PITPNC1: variants seen among roughly 807,000 people sequenced by gnomAD.
PITPNC1 encodes the protein phosphatidylinositol transfer protein cytoplasmic 1.
In PITPNC1, 18 loss-of-function variants were observed where a neutral mutation model predicts 44.7. The ratio of observed to expected loss-of-function variants is 0.40; its 90% CI spans 0.28 to 0.60. The LOEUF (loss-of-function observed/expected upper bound fraction) is 0.60, where lower values mean the gene tolerates loss of function less well. Among genes scored for constraint, PITPNC1 ranks in the 20% least tolerant of loss-of-function variants. PITPNC1 has a pLI of 0.39. For missense variants in PITPNC1, 290 were observed against 418.4 expected (o/e 0.69, Z 2.68); for synonymous variants, 141 against 149.6 (o/e 0.94, Z 0.42).
chr17:67,594,026 C>T (rs529354919), intron 5 of PITPNC1, among the ~76,000 whole-genome samples: 62 of 152,128 alleles, frequency 4.1e-4, no homozygotes, highest in Non-Finnish European at 4.4e-4. Flanking sequence ...AATCTTGGGT[C>T]GTGGAGCATT....
At chr17:67,672,358 G>A (rs1272213388) in intron 7 of PITPNC1, among the ~76,000 whole-genome samples, 1 of 151,818 alleles carries the variant, frequency 6.6e-6, no homozygotes, top group Non-Finnish European at 1.5e-5. Flanking sequence ...CACTTTGAGA[G>A]GCCGAGGCAG....
At chr17:67,459,203 C>T (rs1296682611) in intron 1 of PITPNC1, among the ~76,000 whole-genome samples, 5 of 150,214 alleles carry the variant, frequency 3.3e-5, no homozygotes, top group East Asian at 1.9e-4. Context: ...CTGCATCCTC[C>T]GCCTGCCAGG....
intron 1 of PITPNC1, among the ~76,000 whole-genome samples, chr17:67,497,266 C>T (rs897101381): frequency 2.5e-4 from 37 of 150,894 alleles, no homozygotes; most frequent in African/African-American, 8.3e-4. Context: ...GTCGCCCAGG[C>T]TGGAGTGCAA....
chr17:67,419,926 AAGAG>A (rs984609844), intron 1 of PITPNC1, among the ~76,000 whole-genome samples: 8 of 151,880 alleles, frequency 5.3e-5, no homozygotes, highest in East Asian at 3.9e-4. Context: ...CAAAAAAAAA[AAGAG>A]AGAGAGAGAG....
intron 5 of PITPNC1, among the ~76,000 whole-genome samples, chr17:67,618,188 A>G (rs2041784542): frequency 6.6e-6 from 1 of 151,846 alleles, no homozygotes; most frequent in Admixed American, 6.6e-5. Flanking sequence ...GCATGGTGAA[A>G]CCCTATCTCT....
chr17:67,526,540 C>A (rs1322786423), intron 1 of PITPNC1, among the ~76,000 whole-genome samples: 1 of 151,774 alleles, frequency 6.6e-6, no homozygotes, highest in African/African-American at 2.4e-5. Flanking sequence ...ATCAGCCTGG[C>A]CAACCTGGTG....
rs764564176 is a variant in PITPNC1 at position 67,378,115 on chromosome 17, C to T, written c.-40C>T. 6.8e-7 allele frequency: 1 copy of T among 1,476,550 alleles called. No individual in the cohort carries two copies. Among genetic ancestry groups the T allele is most frequent in the Non-Finnish European group, 9.1e-7 (1 of 1,098,288 alleles). 91.5% of individuals were successfully genotyped at this position (1,476,550 alleles called of 1,614,324 possible). A position where few individuals can be genotyped will look rare whatever the true frequency, so the allele number is the denominator to read the frequency against. On this transcript the variant is annotated 5_prime_UTR_variant, in exon 1 of 9. Transcript: ENST00000581322. ...GCAGCCTTGCTGGTCTTGGGGGCGCCCCCCGCTTCCCGCCCCGGGGGTCCG... is the reference window on the plus strand; with the variant it reads ...GCAGCCTTGCTGGTCTTGGGGGCGCTCCCCGCTTCCCGCCCCGGGGGTCCG...
intron 1 of PITPNC1, among the ~76,000 whole-genome samples, chr17:67,477,120 G>A (rs2039640990): frequency 6.6e-6 from 1 of 152,050 alleles, no homozygotes; most frequent in African/African-American, 2.4e-5. Flanking sequence ...CTGTCACCAG[G>A]GCTGGAGTGC....
chr17:67,568,052 A>T (rs1426243443), intron 4 of PITPNC1, among the ~76,000 whole-genome samples: 1 of 152,242 alleles, frequency 6.6e-6, no homozygotes, highest in Non-Finnish European at 1.5e-5. Flanking sequence ...AAACTCGCAC[A>T]AGAATAGCTG....
intron 1 of PITPNC1, among the ~76,000 whole-genome samples, chr17:67,479,485 G>A (rs746365597): frequency 3.3e-5 from 5 of 152,310 alleles, no homozygotes; most frequent in South Asian, 2.1e-4. Context: ...CCATTAATAT[G>A]TCTAAATCTC....
intron 1 of PITPNC1, among the ~76,000 whole-genome samples, chr17:67,436,586 G>C (rs2038939734): frequency 6.6e-6 from 1 of 152,142 alleles, no homozygotes; most frequent in Non-Finnish European, 1.5e-5. Flanking sequence ...CTGGGAGTTT[G>C]GGATATGTCC....
chr17:67,409,767 A>C (rs892051938), intron 1 of PITPNC1, among the ~76,000 whole-genome samples: 1 of 151,782 alleles, frequency 6.6e-6, no homozygotes, highest in African/African-American at 2.4e-5. Flanking sequence ...CAAACTCCTG[A>C]CCTCAAATGA....
chr17:67,413,790 C>A (rs2038545698), intron 1 of PITPNC1, among the ~76,000 whole-genome samples: 1 of 152,136 alleles, frequency 6.6e-6, no homozygotes, highest in South Asian at 2.1e-4. Context: ...GATGCTTTTC[C>A]TAGGGCAGTT....
intron 1 of PITPNC1, among the ~76,000 whole-genome samples, chr17:67,446,489 T>C (rs2143936735): frequency 6.6e-6 from 1 of 150,400 alleles, no homozygotes; most frequent in South Asian, 2.1e-4. Context: ...ATTAGGAGTA[T>C]GGTACAAAAA....
chr17:67,608,071 A>G (rs895723952), intron 5 of PITPNC1, among the ~76,000 whole-genome samples: 3 of 152,072 alleles, frequency 2.0e-5, no homozygotes, highest in Admixed American at 6.6e-5. Flanking sequence ...CCTAAGAACA[A>G]GGGCTTTCCC....
chr17:67,576,316 C>A (rs977282462), intron 4 of PITPNC1, among the ~76,000 whole-genome samples: 14 of 152,202 alleles, frequency 9.2e-5, no homozygotes, highest in African/African-American at 3.4e-4. Flanking sequence ...ATTTACTTAC[C>A]CTCTCTGCAC....
chr17:67,671,401 A>T (rs574403995), intron 7 of PITPNC1, among the ~76,000 whole-genome samples: 1 of 152,294 alleles, frequency 6.6e-6, no homozygotes, highest in African/African-American at 2.4e-5. Flanking sequence ...CCACTTAAAA[A>T]CTGATAAGAG....
At chr17:67,437,530 G>A (rs1367417701) in intron 1 of PITPNC1, among the ~76,000 whole-genome samples, 3 of 152,144 alleles carry the variant, frequency 2.0e-5, no homozygotes, top group Non-Finnish European at 4.4e-5. Flanking sequence ...CATTTCTGTT[G>A]CTTTAGGCAC....
intron 6 of PITPNC1, among the ~76,000 whole-genome samples, chr17:67,643,615 G>T (rs551998225): frequency 5.1e-4 from 77 of 152,268 alleles, no homozygotes; most frequent in African/African-American, 1.8e-3. Flanking sequence ...ATGTGGTGAG[G>T]GCCCTGGCTC....
Sources: gnomAD v4.1 joint callset for allele counts (sites outside exome capture counted in the v4.1 genomes callset) on GRCh38, gnomAD v4.1.1 for gene constraint, MANE v1.5 for transcripts, NCBI Gene and HGNC (gene_info 2026-07-23, HGNC 2026-07-21) for gene names.